Variants in FOXN3 observed in about 807,000 individuals in gnomAD.
The protein encoded by FOXN3 is forkhead box N3.
A neutral mutation model predicts 38.4 loss-of-function variants in FOXN3; 7 were observed. The observed-to-expected ratio is 0.18, with a 90% confidence interval of 0.10 to 0.34. The LOEUF (loss-of-function observed/expected upper bound fraction) is 0.34, where lower values mean the gene tolerates loss of function less well. Ranked by LOEUF, FOXN3 falls within the 10% of genes least tolerant of loss-of-function variation. FOXN3 has a pLI of 1.00. For synonymous variants in FOXN3, 230 were observed against 242.2 expected (o/e 0.95, Z 0.47); for missense variants, 456 against 613.4 (o/e 0.74, Z 2.71).
chr14:89,437,818 C>A (rs940824725), intron 1 of FOXN3, among the ~76,000 whole-genome samples: 3 of 152,184 alleles, frequency 2.0e-5, no homozygotes, highest in Admixed American at 6.5e-5. Flanking sequence ...GGAACCCAAC[C>A]TGAATTCTTT....
chr14:89,404,057 C>A (rs896829002), intron 2 of FOXN3, among the ~76,000 whole-genome samples: 2 of 152,172 alleles, frequency 1.3e-5, no homozygotes, highest in South Asian at 2.1e-4. Context: ...ATTCTGTATT[C>A]TTTTAGCACT....
At chr14:89,219,211 G>C (rs1884377785) in intron 4 of FOXN3, among the ~76,000 whole-genome samples, 1 of 152,108 alleles carries the variant, frequency 6.6e-6, no homozygotes, top group Non-Finnish European at 1.5e-5. Flanking sequence ...TCTCGTGACA[G>C]TGAGTTCTCA....
Position 89,180,694 on chromosome 14 carries a change from C to T in FOXN3, c.851+7G>A, listed in dbSNP as rs776671331. ...GGCTGGCTCTGCCCAGCGCACTCCC[C>T]ACTTACCTCATGGCCGCTGTCACCC... On this transcript the variant is annotated splice_region_variant and intron_variant, in intron 5 of 5. Coordinates refer to ENST00000557258, the MANE Select transcript of FOXN3 (RefSeq NM_005197.4). 1.9e-6 allele frequency: 3 copies of T among 1,599,112 alleles called. No homozygotes were observed. The highest frequency in any genetic ancestry group is 3.6e-4 in the Middle Eastern group (2 of 5,552).
chr14:89,169,748 G>C (rs1469645175), intron 5 of FOXN3, among the ~76,000 whole-genome samples: 1 of 152,044 alleles, frequency 6.6e-6, no homozygotes, highest in African/African-American at 2.4e-5. Flanking sequence ...AAGAAAAACA[G>C]AATGGGTAAC....
intron 4 of FOXN3, among the ~76,000 whole-genome samples, chr14:89,248,280 G>A (rs193192121): frequency 2.6e-5 from 4 of 152,170 alleles, no homozygotes; most frequent in Non-Finnish European, 5.9e-5. Flanking sequence ...TATAAAATAC[G>A]CAGTTTACAA....
intron 4 of FOXN3, among the ~76,000 whole-genome samples, chr14:89,266,321 T>G (rs537415453): frequency 3.3e-5 from 5 of 152,138 alleles, no homozygotes; most frequent in African/African-American, 1.2e-4. Flanking sequence ...CCTCAGTACA[T>G]GTACATTCCT....
chr14:89,496,422 C>A (rs1181532492), intron 1 of FOXN3, among the ~76,000 whole-genome samples: 1 of 152,118 alleles, frequency 6.6e-6, no homozygotes. Flanking sequence ...TCACTACACC[C>A]CGCGCCACCT....
chr14:89,457,706 T>A (rs1185995358), intron 1 of FOXN3, among the ~76,000 whole-genome samples: 4 of 152,132 alleles, frequency 2.6e-5, no homozygotes, highest in Non-Finnish European at 5.9e-5. Flanking sequence ...TACAATCGTT[T>A]GGGAGAAACA....
At chr14:89,348,865 G>A (rs1888858826) in intron 3 of FOXN3, among the ~76,000 whole-genome samples, 1 of 152,124 alleles carries the variant, frequency 6.6e-6, no homozygotes, top group African/African-American at 2.4e-5. Flanking sequence ...AACCCCCAGA[G>A]CTCCTCTATA....
chr14:89,428,176 G>A (rs1892082550), intron 1 of FOXN3, among the ~76,000 whole-genome samples: 1 of 152,184 alleles, frequency 6.6e-6, no homozygotes, highest in Admixed American at 6.5e-5. Context: ...CTGAGAAACA[G>A]AATATAGATT....
chr14:89,529,763 T>C (rs1427636030), intron 1 of FOXN3, among the ~76,000 whole-genome samples: 4 of 152,134 alleles, frequency 2.6e-5, no homozygotes, highest in Admixed American at 2.0e-4. Context: ...GGCCTTTAAC[T>C]GGGCATGATG....
chr14:89,490,658 C>G (rs763234143), intron 1 of FOXN3, among the ~76,000 whole-genome samples: 3 of 152,160 alleles, frequency 2.0e-5, no homozygotes, highest in African/African-American at 7.2e-5. Context: ...CTGGTTTGTT[C>G]CATGAGTTTA....
chr14:89,345,067 G>A (rs998805572), intron 3 of FOXN3, among the ~76,000 whole-genome samples: 31 of 152,118 alleles, frequency 2.0e-4, no homozygotes, highest in African/African-American at 7.5e-4. Flanking sequence ...GTGGCTCGGT[G>A]TGCATGAGTA....
rs1374425054 is a variant in FOXN3, at chr14:89,433,374, C to T, written c.-14-20884G>A. Among the ~76,000 whole-genome samples the T allele has an allele frequency of 4.6e-5, 7 of 152,254 alleles. No individual in the cohort carries two copies. The South Asian group carries it at 1.0e-3, about 23-fold the overall frequency. ...GTGCGGGCTTGTAGTCCCAGCTACT[C>T]GGTAGACTGAGGCAGAAGAATCGCT... On this transcript the variant is annotated intron_variant, in intron 1 of 6. Coordinates refer to the FOXN3 transcript ENST00000345097.
Position 89,439,901 on chromosome 14 carries a change from G to A in FOXN3, c.-14-27411C>T, listed in dbSNP as rs12432855. Among the ~76,000 whole-genome samples, 229 of 151,610 alleles carry A rather than the reference G, an allele frequency of 1.5e-3. 1 individual carries two copies. Among genetic ancestry groups the A allele is most frequent in the Non-Finnish European group, 2.6e-3 (175 of 67,866 alleles). On this transcript the variant is annotated intron_variant, in intron 1 of 6. Transcript: ENST00000345097. ...AATCTCCTGACGTCGTGATCCACCC[G>A]CCTCGGCCTCCCAAAGTGCTGGGAT...
At chr14:89,180,903 A>T in intron 4 of FOXN3, 97 bp from the exon 5 acceptor site, 1 of 460,318 alleles carries the variant, frequency 2.2e-6, no homozygotes, top group Non-Finnish European at 3.4e-6. Flanking sequence ...TAAGAGAGAG[A>T]GAGAGACAGA....
intron 1 of FOXN3, among the ~76,000 whole-genome samples, chr14:89,582,124 T>C (rs1895752656): frequency 6.6e-6 from 1 of 152,218 alleles, no homozygotes; most frequent in Admixed American, 6.5e-5. Flanking sequence ...TCTCCTCTAA[T>C]AATCTTACTA....
intron 1 of FOXN3, among the ~76,000 whole-genome samples, chr14:89,531,120 TAATA>T (rs1273647309): frequency 6.7e-6 from 1 of 148,534 alleles, no homozygotes; most frequent in African/African-American, 2.5e-5. Flanking sequence ...CACACACACA[TAATA>T]TATATACACA....
chr14:89,172,370 T>A (rs1228536004), intron 5 of FOXN3, among the ~76,000 whole-genome samples: 1 of 152,202 alleles, frequency 6.6e-6, no homozygotes, highest in Non-Finnish European at 1.5e-5. Context: ...TACAGGTGCA[T>A]GCCACTGCAC....
Sources: allele counts gnomAD v4.1 joint callset (sites outside exome capture counted in the v4.1 genomes callset), GRCh38; gene constraint gnomAD v4.1.1; transcripts MANE v1.5; gene names NCBI Gene and HGNC (gene_info 2026-07-23, HGNC 2026-07-21).